The following SGCZ variants were observed in gnomAD, a reference collection of about 807,000 sequenced individuals.
The protein encoded by SGCZ is zeta-sarcoglycan.
Under a neutral mutation model 41.3 loss-of-function variants are expected in SGCZ, and 40 were observed. The observed-to-expected ratio is 0.97, with a 90% CI of 0.75 to 1.26. SGCZ has a LOEUF of 1.26. Among genes scored for constraint, SGCZ ranks in the 50% most tolerant of loss-of-function variants. The pLI is 0.00. For synonymous variants in SGCZ, 206 were observed against 137.5 expected, an observed-to-expected ratio of 1.50 and a Z score of -3.49; for missense variants, 552 against 369.8, an observed-to-expected ratio of 1.49 and a Z score of -4.04.
At chr8:14,947,481 T>C (rs1350665283) in intron 1 of SGCZ, among the ~76,000 whole-genome samples, 1 of 152,172 alleles carries the variant, frequency 6.6e-6, no homozygotes, top group African/African-American at 2.4e-5. Flanking sequence ...TGATCCTTTA[T>C]AAAAGATGCT....
intron 1 of SGCZ, among the ~76,000 whole-genome samples, chr8:14,787,804 T>C (rs1295188159): frequency 1.3e-5 from 2 of 151,738 alleles, no homozygotes; most frequent in Non-Finnish European, 1.5e-5. Flanking sequence ...TAAGATCTCA[T>C]CACTGCACTC....
intron 2 of SGCZ, among the ~76,000 whole-genome samples, chr8:14,484,288 T>C (rs547117431): frequency 6.6e-6 from 1 of 152,262 alleles, no homozygotes; most frequent in East Asian, 1.9e-4. Flanking sequence ...TAAACTTTCA[T>C]GAATATATCA....
rs556803832 is a variant in SGCZ at position 14,309,496 on chromosome 8, T to G, written c.336+14607A>C. ...GCGCTGTTGTTAATGTTAGAGCTAATTGTGATAAGAGAGCAGTGTGGACTA... is the reference window on the plus strand; with the variant it reads ...GCGCTGTTGTTAATGTTAGAGCTAAGTGTGATAAGAGAGCAGTGTGGACTA... On this transcript the variant is annotated intron_variant, in intron 3 of 7. Coordinates refer to ENST00000382080, the MANE Select transcript of SGCZ (RefSeq NM_139167.4). The G allele has an allele frequency of 6.8e-6, 11 of 1,608,446 alleles. No individual in the cohort carries two copies. The East Asian group carries it at 2.2e-4, about 33-fold the overall frequency.
chr8:14,313,287 G>T (rs17231348), intron 3 of SGCZ, among the ~76,000 whole-genome samples: 44,468 of 151,954 alleles, frequency 0.29, 8,109 homozygotes, highest in Non-Finnish European at 0.42. Context: ...ACATAATTTT[G>T]TCTGCTACCC....
At chr8:15,180,001 T>G (rs890209139) in intron 1 of SGCZ, among the ~76,000 whole-genome samples, 6 of 152,216 alleles carry the variant, frequency 3.9e-5, no homozygotes, top group Non-Finnish European at 8.8e-5. Context: ...TTTAGTAGGC[T>G]GACTATTATA....
intron 2 of SGCZ, among the ~76,000 whole-genome samples, chr8:14,371,208 G>A (rs1004316750): frequency 1.2e-3 from 176 of 151,960 alleles, no homozygotes; most frequent in African/African-American, 4.1e-3. Flanking sequence ...GAATCCAGAT[G>A]TCCAAAAAAG....
chr8:14,237,997 G>T lies in SGCZ; in HGVS notation c.337-318C>A, dbSNP rs1334203256. ...CTCCCAGTGTCCTCTATGCCTGCCT[G>T]TGCAGATATTCCAGACGCTATCCCA... is the stretch of plus-strand genomic sequence containing the variant. On this transcript the variant is annotated intron_variant, in intron 3 of 7. Transcript: ENST00000382080. Among the ~76,000 whole-genome samples the T allele has an allele frequency of 9.9e-5, 15 of 152,134 alleles. 1 individual carries two copies. The highest frequency in any genetic ancestry group is 9.8e-4 in the Admixed American group (15 of 15,276).
chr8:14,180,908 T>C (rs891413576), intron 4 of SGCZ, among the ~76,000 whole-genome samples: 23 of 151,508 alleles, frequency 1.5e-4, no homozygotes, highest in Non-Finnish European at 2.1e-4. Context: ...CCATGAAGAC[T>C]ACCAGAAGGG....
At chr8:14,642,129 C>G (rs947456856) in intron 1 of SGCZ, among the ~76,000 whole-genome samples, 1 of 151,626 alleles carries the variant, frequency 6.6e-6, no homozygotes. Flanking sequence ...CACAGCCATA[C>G]AGGCCAGTTA....
chr8:15,101,409 CCTAA>C (rs1410984268), intron 1 of SGCZ, among the ~76,000 whole-genome samples: 14 of 152,110 alleles, frequency 9.2e-5, no homozygotes, highest in African/African-American at 2.4e-4. Flanking sequence ...AAACAAACAA[CCTAA>C]CTGAGAAATA....
chr8:14,301,146 A>C (rs987519316), intron 3 of SGCZ, among the ~76,000 whole-genome samples: 1 of 151,784 alleles, frequency 6.6e-6, no homozygotes, highest in Non-Finnish European at 1.5e-5. Context: ...GATGCCTCAT[A>C]TGTGCTCGGT....
At chr8:14,219,704 A>C (rs1312718918) in intron 4 of SGCZ, among the ~76,000 whole-genome samples, 1 of 151,876 alleles carries the variant, frequency 6.6e-6, no homozygotes. Flanking sequence ...CCGAGATCGC[A>C]CCACTGCACT....
At chr8:14,181,710 C>T (rs1388433860) in intron 4 of SGCZ, among the ~76,000 whole-genome samples, 2 of 152,192 alleles carry the variant, frequency 1.3e-5, no homozygotes, top group Admixed American at 6.5e-5. Flanking sequence ...TTGCCTGCTG[C>T]TATGTAATAC....
intron 2 of SGCZ, among the ~76,000 whole-genome samples, chr8:14,391,883 T>G (rs1003238762): frequency 6.6e-6 from 1 of 152,114 alleles, no homozygotes; most frequent in Non-Finnish European, 1.5e-5. Context: ...GTTGTTTAAA[T>G]GCTCCTGCCA....
intron 1 of SGCZ, among the ~76,000 whole-genome samples, chr8:15,059,787 C>G (rs1031296215): frequency 5.3e-5 from 8 of 152,164 alleles, no homozygotes; most frequent in Non-Finnish European, 1.0e-4. Flanking sequence ...GGAGAATTTT[C>G]CTTTCCCTCA....
intron 1 of SGCZ, among the ~76,000 whole-genome samples, chr8:15,013,508 T>C (rs1319492342): frequency 6.6e-6 from 1 of 152,182 alleles, no homozygotes; most frequent in Non-Finnish European, 1.5e-5. Context: ...CTTTTCCTAA[T>C]GTTCTCCTCC....
chr8:15,088,456 T>A (rs1190596422), intron 1 of SGCZ, among the ~76,000 whole-genome samples: 1 of 152,140 alleles, frequency 6.6e-6, no homozygotes, highest in East Asian at 1.9e-4. Flanking sequence ...TTCTCTACAG[T>A]AAATAATTTT....
intron 3 of SGCZ, among the ~76,000 whole-genome samples, chr8:14,249,197 C>A (rs1278657270): frequency 6.6e-6 from 1 of 152,142 alleles, no homozygotes; most frequent in Non-Finnish European, 1.5e-5. Context: ...CAAGAGAATT[C>A]ACTCTCTCTG....
chr8:14,631,007 AC>A (rs1806631221), intron 1 of SGCZ, among the ~76,000 whole-genome samples: 1 of 152,100 alleles, frequency 6.6e-6, no homozygotes, highest in African/African-American at 2.4e-5. Context: ...GTAGCCTAGA[AC>A]TTAAAGTATA....
Sources: gnomAD v4.1 joint callset for allele counts (sites outside exome capture counted in the v4.1 genomes callset) on GRCh38, gnomAD v4.1.1 for gene constraint, MANE v1.5 for transcripts, NCBI Gene and HGNC (gene_info 2026-07-23, HGNC 2026-07-21) for gene names.